Variants in PITPNM2 observed in about 807,000 individuals in gnomAD.
PITPNM2 encodes the protein membrane-associated phosphatidylinositol transfer protein 2.
A neutral mutation model predicts 132.2 loss-of-function variants in PITPNM2; 35 were observed. That is an observed-to-expected ratio of 0.26 (90% CI 0.20 to 0.35). The LOEUF is 0.35. Among genes scored for constraint, PITPNM2 ranks in the 10% least tolerant of loss-of-function variants. The probability of loss-of-function intolerance (pLI) is 1.00; values close to 1 mark genes in which losing one functional copy is unlikely to be tolerated. For synonymous variants in PITPNM2, 738 were observed against 799.2 expected (o/e 0.92, Z 1.29); for missense variants, 1,332 against 1,912.0 (o/e 0.70, Z 5.66).
rs1612336 is a variant in PITPNM2, at chr12:123,107,524, A to G, written c.-96+2861T>C. Among the ~76,000 whole-genome samples, 86 of 152,246 alleles carry G rather than the reference A, an allele frequency of 5.6e-4. No individual in the cohort carries two copies. The East Asian group carries it at 0.011, about 20-fold the overall frequency. On this transcript the variant is annotated intron_variant, in intron 2 of 25. Transcript: ENST00000320201. The stretch of plus-strand genomic sequence containing the variant: ...TTCCTCCACAGCAAGGAGCTTTTCT[A>G]AAAATAAACCCTGGTCCTTGAGCCC...
At chr12:123,027,533 C>T (rs917683061) in intron 3 of PITPNM2, among the ~76,000 whole-genome samples, 3 of 152,202 alleles carry the variant, frequency 2.0e-5, no homozygotes, top group Non-Finnish European at 4.4e-5. Context: ...TATCTCTGAG[C>T]CTCGAGCTGT....
chr12:123,122,097 T>C (rs1485506150), intron 1 of PITPNM2, among the ~76,000 whole-genome samples: 1 of 152,212 alleles, frequency 6.6e-6, no homozygotes, highest in African/African-American at 2.4e-5. Flanking sequence ...CTTCCCAAAC[T>C]GAACTCTGTA....
intron 2 of PITPNM2, among the ~76,000 whole-genome samples, chr12:123,084,938 C>A (rs897216900): frequency 6.6e-6 from 1 of 152,156 alleles, no homozygotes; most frequent in Non-Finnish European, 1.5e-5. Context: ...CACACACCCC[C>A]CTCCCCCATC....
intron 2 of PITPNM2, chr12:123,091,947 A>T (rs1344415366): frequency 6.6e-6 from 1 of 152,432 alleles, no homozygotes; most frequent in Non-Finnish European, 1.5e-5. Flanking sequence ...AAGTGGTATG[A>T]TGTGCACAGA....
In PITPNM2 at chr12:123,009,762, T is replaced by G; in HGVS notation, c.643+88A>C. The G allele has an allele frequency of 1.6e-6, 2 of 1,266,514 alleles. No individual in the cohort carries two copies. The highest frequency in any genetic ancestry group is 2.3e-6 in the Non-Finnish European group (2 of 875,198). 78.5% of individuals were successfully genotyped at this position (1,266,514 alleles called of 1,614,324 possible). On this transcript the variant is annotated intron_variant, in intron 6 of 25. Coordinates refer to ENST00000320201, the MANE Select transcript of PITPNM2 (RefSeq NM_020845.3). This position sits in a 1 kb window ranked among gnomAD's most constrained non-coding sequence, Gnocchi z 4.8. ...AGAAACGCAGACTCCCAGGCAGACA[T>G]GCAAAGAGAGGAGGCAGACAGGCAG...
chr12:123,021,029 C>CAAAAAAA (rs910751492), intron 3 of PITPNM2, among the ~76,000 whole-genome samples: 3 of 25,268 alleles, frequency 1.2e-4, no homozygotes, highest in Non-Finnish European at 1.9e-4. Context: ...AATTCCATCT[C>CAAAAAAA]AAAAAAAAAA....
chr12:123,099,939 A>G lies in PITPNM2; in HGVS notation c.-96+10446T>C, dbSNP rs894404387. 6.6e-6 allele frequency among the ~76,000 whole-genome samples: 1 copy of G among 152,192 alleles called. No individual in the cohort carries two copies. On this transcript the variant is annotated intron_variant, in intron 2 of 25. Coordinates refer to ENST00000320201, the MANE Select transcript of PITPNM2 (RefSeq NM_020845.3). The surrounding 1 kb of genome is among the most constrained non-coding windows in gnomAD (Gnocchi z 4.2). Reference sequence around the variant, plus strand: ...TACATCCACAGAAAACACCACTAACAGAGCACCCAGGTGTGCAGGCATCCA... The same window carrying G: ...TACATCCACAGAAAACACCACTAACGGAGCACCCAGGTGTGCAGGCATCCA...
chr12:123,012,442 C>G (rs2039248822), intron 5 of PITPNM2, among the ~76,000 whole-genome samples, 171 bp downstream of exon 5: 1 of 152,228 alleles, frequency 6.6e-6, no homozygotes, highest in Non-Finnish European at 1.5e-5. Context: ...GCTGAGAAGG[C>G]CTGCCCTGCC....
intron 1 of PITPNM2, among the ~76,000 whole-genome samples, chr12:123,126,216 G>T (rs1246844227): frequency 6.6e-6 from 1 of 152,042 alleles, no homozygotes; most frequent in African/African-American, 2.4e-5. Context: ...TAAAGAATCA[G>T]AAAGAAGATC....
chr12:123,039,444 A>G (rs76678615), intron 2 of PITPNM2, among the ~76,000 whole-genome samples: 2,483 of 152,350 alleles, frequency 0.016, 32 homozygotes, highest in Non-Finnish European at 0.028. Flanking sequence ...AACACTGTAC[A>G]CAAATGATAA....
chr12:122,989,465 GC>G (rs1287630808), intron 18 of PITPNM2, among the ~76,000 whole-genome samples: 1 of 152,130 alleles, frequency 6.6e-6, no homozygotes, highest in Admixed American at 6.5e-5. Context: ...CTTGTAAAGT[GC>G]CCCCTGGGCT....
rs995430401 is a variant in PITPNM2 at position 123,008,808 on chromosome 12, G to A, written c.643+1042C>T. On this transcript the variant is annotated intron_variant, in intron 6 of 25. Coordinates refer to ENST00000320201, the MANE Select transcript of PITPNM2 (RefSeq NM_020845.3). This position sits in a 1 kb window ranked among gnomAD's most constrained non-coding sequence, Gnocchi z 4.1. ...ACACACCCATCGAGGCCCTGTCCAC[G>A]TCTTCGCTTCTCCAAGTGGAAGACC... Among the ~76,000 whole-genome samples, 1 of 152,202 alleles carries A rather than the reference G, an allele frequency of 6.6e-6. No homozygotes were observed. The highest frequency in any genetic ancestry group is 1.5e-5 in the Non-Finnish European group (1 of 68,040).
chr12:123,130,493 A>G (rs945152730), intron 1 of PITPNM2, among the ~76,000 whole-genome samples: 49 of 152,074 alleles, frequency 3.2e-4, no homozygotes, highest in Non-Finnish European at 6.2e-4. Flanking sequence ...GAAACAAAAG[A>G]AAGCTTTGAT....
At chr12:123,100,812 C>A (rs143145000) in intron 2 of PITPNM2, among the ~76,000 whole-genome samples, 1 of 152,150 alleles carries the variant, frequency 6.6e-6, no homozygotes, top group African/African-American at 2.4e-5. Flanking sequence ...AGACTGAGAC[C>A]CAGTCAGACT....
intron 2 of PITPNM2, among the ~76,000 whole-genome samples, chr12:123,041,877 C>T (rs547606415): frequency 6.6e-6 from 1 of 152,186 alleles, no homozygotes; most frequent in South Asian, 2.1e-4. Flanking sequence ...AAATGTGGCA[C>T]CTGGGCCCTG....
At chr12:123,101,691 A>C (rs1455023826) in intron 2 of PITPNM2, among the ~76,000 whole-genome samples, 1 of 152,174 alleles carries the variant, frequency 6.6e-6, no homozygotes, top group Non-Finnish European at 1.5e-5. Context: ...AGCCCCCTAG[A>C]AAGCTGTAGT....
intron 19 of PITPNM2, 35 bp downstream of exon 19, chr12:122,988,689 C>T: frequency 2.6e-6 from 4 of 1,538,130 alleles, no homozygotes; most frequent in Non-Finnish European, 3.5e-6. Flanking sequence ...TGTTGTCACT[C>T]AGGGCCCTCC....
chr12:123,000,839 T>C lies in PITPNM2; in HGVS notation c.1163A>G (p.Tyr388Cys), dbSNP rs191422358. The C allele has an allele frequency of 2.5e-6, 4 of 1,614,052 alleles. No homozygotes were observed. The Admixed American group carries it at 6.7e-5, about 27-fold the overall frequency. Residue 388 changes from tyrosine (Y) to cysteine (C), a missense_variant, in exon 10 of 26, where the codon TAC becomes TGC. Tyr to Cys is a radical substitution (Grantham distance 194, BLOSUM62 -2). Around this residue, in one of 6 missense-constraint regions of PITPNM2, gnomAD observed 710 missense variants for 911.5 expected, o/e 0.78. Transcript: ENST00000320201. The surrounding 1 kb of genome is among the most constrained non-coding windows in gnomAD (Gnocchi z 5.4). ...CCTGAACTCAGGGGCACCCTGGCGGTACAGACCATCTGCAAAGACACAGAA... is the reference window on the plus strand; with the variant it reads ...CCTGAACTCAGGGGCACCCTGGCGGCACAGACCATCTGCAAAGACACAGAA... ...PEPEDTQDGL[Y>C]RQGAPEFRVA...
chr12:123,002,472 G>A (rs1190978836), intron 8 of PITPNM2, among the ~76,000 whole-genome samples: 2 of 152,018 alleles, frequency 1.3e-5, no homozygotes, highest in Non-Finnish European at 2.9e-5. Flanking sequence ...GAGTGTAGTG[G>A]CACAGTCATA....
Sources: allele counts gnomAD v4.1 joint callset (sites outside exome capture counted in the v4.1 genomes callset), GRCh38; gene constraint gnomAD v4.1.1; regional missense constraint gnomAD v4.1.1; non-coding constraint Gnocchi (gnomAD v3.1); transcripts MANE v1.5; gene names NCBI Gene and HGNC (gene_info 2026-07-23, HGNC 2026-07-21).